Variants in PITPNM2 observed in about 807,000 individuals in gnomAD.
The protein encoded by PITPNM2 is phosphatidylinositol transfer protein membrane associated 2.
A neutral mutation model predicts 132.2 loss-of-function variants in PITPNM2; 35 were observed. The observed-to-expected ratio is 0.26, with a 90% CI of 0.20 to 0.35. The LOEUF is 0.35. Among genes scored for constraint, PITPNM2 ranks in the 10% least tolerant of loss-of-function variants. The pLI, the probability that PITPNM2 is intolerant of heterozygous loss-of-function variation, is 1.00. For missense variants in PITPNM2, 1,332 were observed against 1,912.0 expected, an observed-to-expected ratio of 0.70 and a Z score of 5.66; for synonymous variants, 738 against 799.2, an observed-to-expected ratio of 0.92 and a Z score of 1.29.
Position 122,993,337 on chromosome 12 carries a change from G to A in PITPNM2, c.2234-668C>T, listed in dbSNP as rs1331187776. Reference sequence around the variant, plus strand: ...GAAAATGTTTCCCCTTCTGTCAAATGGGGCAGCAGTTCCAACCACGTCATG... The same window carrying A: ...GAAAATGTTTCCCCTTCTGTCAAATAGGGCAGCAGTTCCAACCACGTCATG... On this transcript the variant is annotated intron_variant, in intron 15 of 25. Transcript: ENST00000320201. The surrounding 1 kb of genome is among the most constrained non-coding windows in gnomAD (Gnocchi z 5.2). Among the ~76,000 whole-genome samples the A allele has an allele frequency of 6.6e-6, 1 of 152,160 alleles. No individual in the cohort carries two copies. Among genetic ancestry groups the A allele is most frequent in the African/African-American group, 2.4e-5 (1 of 41,420 alleles).
At chr12:123,034,314 T>A (rs951654449) in intron 3 of PITPNM2, 199 bp downstream of exon 3, 21 of 543,166 alleles carry the variant, frequency 3.9e-5, no homozygotes, top group East Asian at 1.7e-4. Flanking sequence ...AGCAATCTGA[T>A]GCCGTGCGCC....
chr12:123,039,457 C>T (rs1357451332), intron 2 of PITPNM2, among the ~76,000 whole-genome samples: 2 of 152,068 alleles, frequency 1.3e-5, no homozygotes, highest in African/African-American at 4.8e-5. Flanking sequence ...AATGATAATA[C>T]AACTAAGACA....
In PITPNM2 at chr12:122,990,552, G is replaced by A. The variant is rs376540906; in HGVS notation, c.2562C>T (p.Ile854=). The A allele has an allele frequency of 6.8e-6, 11 of 1,612,776 alleles. No individual in the cohort carries two copies. Among genetic ancestry groups the A allele is most frequent in the East Asian group, 4.5e-5 (2 of 44,898 alleles). The change falls in exon 17 of 26, where the codon ATC becomes ATT. Residue 854 remains isoleucine, a synonymous_variant. Coordinates refer to ENST00000320201, the MANE Select transcript of PITPNM2 (RefSeq NM_020845.3). ...GGGGCCTGGTATACTCACTCTGGGC[G>A]ATGCTGGATGCCGTGTAGCTCTCAG... ...GMAESYTASS[I]AQKAPDALSH...
chr12:123,118,723 C>A (rs2042977088), intron 1 of PITPNM2, among the ~76,000 whole-genome samples: 1 of 152,218 alleles, frequency 6.6e-6, no homozygotes. Flanking sequence ...GACAGCTTTG[C>A]AGCCCCGCCT....
chr12:123,143,747 G>A (rs2043554922), intron 1 of PITPNM2, among the ~76,000 whole-genome samples: 1 of 152,230 alleles, frequency 6.6e-6, no homozygotes, highest in African/African-American at 2.4e-5. Flanking sequence ...AGCAGAGAGA[G>A]ATGGGCACCA....
intron 2 of PITPNM2, among the ~76,000 whole-genome samples, chr12:123,102,441 CA>C (rs2042584071): frequency 6.6e-6 from 1 of 152,212 alleles, no homozygotes; most frequent in Non-Finnish European, 1.5e-5. Flanking sequence ...TGTCATTCCT[CA>C]ACAATACATT....
chr12:123,092,696 C>T (rs2042301139), intron 2 of PITPNM2: 2 of 152,368 alleles, frequency 1.3e-5, no homozygotes, highest in South Asian at 2.1e-4. Flanking sequence ...TTGCCATGCC[C>T]TCTCCTAACC....
At position 123,111,866 on chromosome 12, in the gene PITPNM2, C is replaced by T. The variant is rs770308973; in HGVS notation, c.-199-1378G>A. Among the ~76,000 whole-genome samples the T allele has an allele frequency of 1.1e-4, 17 of 152,322 alleles. No individual in the cohort carries two copies. Among genetic ancestry groups the T allele is most frequent in the African/African-American group, 4.1e-4 (17 of 41,558 alleles). On this transcript the variant is annotated intron_variant, in intron 1 of 25. Coordinates refer to ENST00000320201, the MANE Select transcript of PITPNM2 (RefSeq NM_020845.3). The surrounding 1 kb of genome is among the most constrained non-coding windows in gnomAD (Gnocchi z 4.1). ...TTCCAGCCTTGCCTCTACATGCCAC[C>T]GTAGGCCACAGTTGAGGCCAGCAAC...
intron 2 of PITPNM2, among the ~76,000 whole-genome samples, chr12:123,067,441 G>C (rs1385697925): frequency 1.4e-5 from 2 of 146,380 alleles, no homozygotes; most frequent in Non-Finnish European, 3.0e-5. Context: ...GGGAGACAAG[G>C]GTGAAACTCC....
rs1399673112 is a variant in PITPNM2 at position 123,004,600 on chromosome 12, G to T, written c.953-111C>A. 1.0e-6 allele frequency: 1 copy of T among 984,208 alleles called. No individual in the cohort carries two copies. The highest frequency in any genetic ancestry group is 1.9e-5 in the Admixed American group (1 of 51,778). 61.0% of individuals were successfully genotyped at this position (984,208 alleles called of 1,614,324 possible). A position where few individuals can be genotyped will look rare whatever the true frequency, so the allele number is the denominator to read the frequency against. ...ACCCACAGGCCTGACAGGCATCACA[G>T]AGGCTGCCACAGGAGCCAGGAAGGT... On this transcript the variant is annotated intron_variant, in intron 7 of 25. Transcript: ENST00000320201. The surrounding 1 kb of genome is among the most constrained non-coding windows in gnomAD (Gnocchi z 4.9).
chr12:123,135,824 T>C (rs2043369631), intron 1 of PITPNM2, among the ~76,000 whole-genome samples: 1 of 152,214 alleles, frequency 6.6e-6, no homozygotes, highest in Non-Finnish European at 1.5e-5. Context: ...TCCTCCCAAG[T>C]AGCTGCAACT....
chr12:123,062,156 A>G (rs1026956836), intron 2 of PITPNM2, among the ~76,000 whole-genome samples: 13 of 152,110 alleles, frequency 8.5e-5, no homozygotes, highest in African/African-American at 2.9e-4. Context: ...CCAGGGAGAC[A>G]GGTTCCTGAG....
At chr12:122,986,410 C>T (rs1179901498) in intron 25 of PITPNM2, 26 bp downstream of exon 25, 1 of 1,565,998 alleles carries the variant, frequency 6.4e-7, no homozygotes, top group Non-Finnish European at 8.6e-7. Context: ...CCCGCCTGCA[C>T]CCGCCCCCAC....
rs558085406 is a variant in PITPNM2, at chr12:123,078,994, T to C, written c.-96+31391A>G. On this transcript the variant is annotated intron_variant, in intron 2 of 25. Transcript: ENST00000320201. This position sits in a 1 kb window ranked among gnomAD's most constrained non-coding sequence, Gnocchi z 7.3. ...AAGTCTGGTCACTTCCTTGAGCTTC[T>C]ATCTCCTTATTACAGACAGAGATGA... Among the ~76,000 whole-genome samples the C allele has an allele frequency of 2.6e-5, 4 of 152,212 alleles. No homozygotes were observed. The highest frequency in any genetic ancestry group is 4.8e-5 in the African/African-American group (2 of 41,450).
At chr12:123,073,946 C>T (rs908410251) in intron 2 of PITPNM2, among the ~76,000 whole-genome samples, 4 of 152,208 alleles carry the variant, frequency 2.6e-5, no homozygotes, top group African/African-American at 9.7e-5. Flanking sequence ...TCTCCTCACC[C>T]AACCTCCTTG....
intron 1 of PITPNM2, among the ~76,000 whole-genome samples, chr12:123,125,812 A>G (rs1274126205): frequency 1.6e-5 from 2 of 126,244 alleles, no homozygotes; most frequent in Admixed American, 8.7e-5. Flanking sequence ...ACTGTACTCC[A>G]GCCTGGGCGA....
chr12:123,029,629 G>T (rs962314758), intron 3 of PITPNM2, among the ~76,000 whole-genome samples: 4 of 112,902 alleles, frequency 3.5e-5, no homozygotes, highest in Non-Finnish European at 7.6e-5. Flanking sequence ...ACCCCCTTGG[G>T]TCTTGTGGTG....
chr12:123,051,216 G>A (rs1246792351), intron 2 of PITPNM2, among the ~76,000 whole-genome samples: 1 of 152,222 alleles, frequency 6.6e-6, no homozygotes, highest in Non-Finnish European at 1.5e-5. Flanking sequence ...AGGAGTCAAG[G>A]CAAAGGGTTT....
intron 2 of PITPNM2, chr12:123,084,839 C>T: frequency 6.6e-6 from 1 of 152,198 alleles, no homozygotes; most frequent in South Asian, 2.1e-4. Flanking sequence ...GACCATGTGA[C>T]CTGTCAACTC....
Sources: allele counts gnomAD v4.1 joint callset (sites outside exome capture counted in the v4.1 genomes callset), GRCh38; gene constraint gnomAD v4.1.1; non-coding constraint Gnocchi (gnomAD v3.1); transcripts MANE v1.5; gene names NCBI Gene and HGNC (gene_info 2026-07-23, HGNC 2026-07-21).